TNFSF4: variants seen among roughly 807,000 people sequenced by gnomAD.
TNFSF4 encodes the protein tumor necrosis factor ligand superfamily member 4.
In TNFSF4, 4 loss-of-function variants were observed where a neutral mutation model predicts 7.3. That is an observed-to-expected ratio of 0.55 (90% CI 0.27 to 1.25). The LOEUF (loss-of-function observed/expected upper bound fraction) is 1.25, where lower values mean the gene tolerates loss of function less well. TNFSF4 is among the 50% of genes most tolerant of loss of function. The pLI, the probability that TNFSF4 is intolerant of heterozygous loss-of-function variation, is 0.12. For synonymous variants in TNFSF4, 76 were observed against 83.7 expected (o/e 0.91, Z 0.50); for missense variants, 181 against 208.8 (o/e 0.87, Z 0.82).
the TNFSF4 span, among the ~76,000 whole-genome samples, chr1:173,372,236 G>T: frequency 1.3e-5 from 2 of 152,148 alleles, no homozygotes; most frequent in African/African-American, 4.8e-5. Context: ...AGTTGCAGGG[G>T]TTCCTTGGGA....
At chr1:173,439,917 G>C in the TNFSF4 span, among the ~76,000 whole-genome samples, 3 of 152,178 alleles carry the variant, frequency 2.0e-5, no homozygotes, top group Non-Finnish European at 4.4e-5. Flanking sequence ...TTAATAACGT[G>C]GTTAACAAGA....
chr1:173,181,431 A>G (rs1453516565), downstream of TNFSF4, among the ~76,000 whole-genome samples: 6 of 152,322 alleles, frequency 3.9e-5, no homozygotes, highest in East Asian at 7.7e-4. Context: ...CCAAATGCTA[A>G]AAGTCTGTGT....
At chr1:173,282,984 G>A in the TNFSF4 span, among the ~76,000 whole-genome samples, 1 of 152,140 alleles carries the variant, frequency 6.6e-6, no homozygotes, top group Non-Finnish European at 1.5e-5. Flanking sequence ...CATCAACTGG[G>A]AGCAAATGTG....
chr1:173,204,326 G>A (rs1650084301), intron 1 of TNFSF4, among the ~76,000 whole-genome samples: 1 of 152,154 alleles, frequency 6.6e-6, no homozygotes, highest in African/African-American at 2.4e-5. Context: ...GCTCAAAGAG[G>A]AAAGTAAATT....
the TNFSF4 span, among the ~76,000 whole-genome samples, chr1:173,173,619 T>C: frequency 6.6e-6 from 1 of 152,248 alleles, no homozygotes; most frequent in Non-Finnish European, 1.5e-5. Flanking sequence ...CAAACCTTAA[T>C]TCTTGACTTC....
the TNFSF4 span, among the ~76,000 whole-genome samples, chr1:173,341,743 C>A: frequency 6.6e-6 from 1 of 152,088 alleles, no homozygotes; most frequent in Non-Finnish European, 1.5e-5. Context: ...AAGTCAGTGC[C>A]CCATAAATGT....
the TNFSF4 span, among the ~76,000 whole-genome samples, chr1:173,372,904 T>G: frequency 6.6e-6 from 1 of 152,154 alleles, no homozygotes; most frequent in South Asian, 2.1e-4. Flanking sequence ...GACCTTAACC[T>G]ATATACCGAT....
chr1:173,287,104 G>A, the TNFSF4 span, among the ~76,000 whole-genome samples: 6 of 152,236 alleles, frequency 3.9e-5, no homozygotes, highest in East Asian at 7.7e-4. Context: ...GATTGCTTGA[G>A]GCCAGGAGTT....
At chr1:173,337,514 A>G in the TNFSF4 span, among the ~76,000 whole-genome samples, 3 of 152,288 alleles carry the variant, frequency 2.0e-5, no homozygotes, top group Non-Finnish European at 2.9e-5. Context: ...GGCGTTCCCA[A>G]TGACCAGTTG....
chr1:173,293,197 C>A, the TNFSF4 span, among the ~76,000 whole-genome samples: 1 of 152,004 alleles, frequency 6.6e-6, no homozygotes, highest in African/African-American at 2.4e-5. Flanking sequence ...AGACATCATA[C>A]TACCCAACTT....
intron 1 of TNFSF4, among the ~76,000 whole-genome samples, chr1:173,203,674 T>G (rs1157524549): frequency 1.3e-5 from 2 of 152,150 alleles, no homozygotes; most frequent in Non-Finnish European, 2.9e-5. Flanking sequence ...TCTACTTCTG[T>G]TGTTCCCAGC....
the TNFSF4 span, among the ~76,000 whole-genome samples, chr1:173,402,955 T>C: frequency 2.0e-5 from 3 of 152,052 alleles, no homozygotes; most frequent in Non-Finnish European, 4.4e-5. Flanking sequence ...CAGGCTCAAG[T>C]GATCCTCCAA....
At chr1:173,236,416 C>CAAA in the TNFSF4 span, among the ~76,000 whole-genome samples, 411 of 110,090 alleles carry the variant, frequency 3.7e-3, 2 homozygotes, top group Non-Finnish European at 4.2e-3. Context: ...CCAGTTATTT[C>CAAA]AAAAAAAAAA....
the TNFSF4 span, among the ~76,000 whole-genome samples, chr1:173,270,291 G>A: frequency 1.4e-4 from 21 of 152,108 alleles, no homozygotes; most frequent in African/African-American, 4.1e-4. Context: ...GGGAGAGGTC[G>A]AGGCTGGGAC....
the TNFSF4 span, among the ~76,000 whole-genome samples, chr1:173,273,616 G>A: frequency 2.0e-5 from 3 of 151,878 alleles, no homozygotes; most frequent in Admixed American, 6.6e-5. Context: ...ATTAAGCACC[G>A]TACACCAAAA....
In TNFSF4 at chr1:173,185,432, G is replaced by C. The variant is rs1487182467; in HGVS notation, c.*1084C>G. ...AATTATCAATGTGAGACTATATATG[G>C]TCTATGGTATTTCTAGACAGAGATC... On this transcript the variant is annotated 3_prime_UTR_variant, in exon 3 of 3. Coordinates refer to ENST00000281834, the MANE Select transcript of TNFSF4 (RefSeq NM_003326.5). 1 of 152,076 alleles carries C rather than the reference G, an allele frequency of 6.6e-6. No individual in the cohort carries two copies. The highest frequency in any genetic ancestry group is 1.5e-5 in the Non-Finnish European group (1 of 68,012). The allele number at this position is 152,076 out of a possible 1,614,324, so 9.4% of individuals were successfully genotyped here.
At chr1:173,297,271 T>C in the TNFSF4 span, among the ~76,000 whole-genome samples, 1 of 151,870 alleles carries the variant, frequency 6.6e-6, no homozygotes, top group Admixed American at 6.6e-5. Context: ...TTGTTTCCTT[T>C]AAGAAATCTT....
chr1:173,332,540 A>AATT, the TNFSF4 span, among the ~76,000 whole-genome samples: 2 of 151,414 alleles, frequency 1.3e-5, no homozygotes, highest in Non-Finnish European at 2.9e-5. Flanking sequence ...CAAAATAAAT[A>AATT]AATTAATTAA....
Position 173,186,827 on chromosome 1 carries a change from T to C in TNFSF4, c.241A>G (p.Lys81Glu), listed in dbSNP as rs375172687. The C allele has an allele frequency of 6.2e-7, 1 of 1,609,286 alleles. No homozygotes were observed. Among genetic ancestry groups the C allele is most frequent in the Non-Finnish European group, 8.5e-7 (1 of 1,177,454 alleles). ...KEKGFILTSQ[K>E]EDEIMKVQNN... is the part of the protein sequence containing the mutation. ...TGCACCTTCATGATTTCATCCTCCT[T>C]TTGGGAAGTGAGGATGAAACCTTTC... is the stretch of plus-strand genomic sequence containing the variant. The change falls in exon 3 of 3, where the codon AAG becomes GAG. Residue 81 changes from lysine (K) to glutamate (E), a missense_variant. Physicochemically the swap from Lys to Glu is moderately conservative, Grantham distance 56 (BLOSUM62 1). Coordinates refer to ENST00000281834, the MANE Select transcript of TNFSF4 (RefSeq NM_003326.5).
Sources: gnomAD v4.1 joint callset for allele counts (sites outside exome capture counted in the v4.1 genomes callset) on GRCh38, gnomAD v4.1.1 for gene constraint, MANE v1.5 for transcripts, NCBI Gene and HGNC (gene_info 2026-07-23, HGNC 2026-07-21) for gene names.